The following SEPTIN5 variants were observed in gnomAD, a reference collection of about 807,000 sequenced individuals.
SEPTIN5 encodes septin 5.
Under a neutral mutation model 51.2 loss-of-function variants are expected in SEPTIN5, and 16 were observed. The ratio of observed to expected loss-of-function variants is 0.31; its 90% confidence interval spans 0.21 to 0.47. The LOEUF (loss-of-function observed/expected upper bound fraction) is 0.47, where lower values mean the gene tolerates loss of function less well. Ranked by LOEUF, SEPTIN5 falls within the 20% of genes least tolerant of loss-of-function variation. The pLI is 0.99. For synonymous variants in SEPTIN5, 208 were observed against 191.2 expected, an observed-to-expected ratio of 1.09 and a Z score of -0.72; for missense variants, 376 against 500.3, an observed-to-expected ratio of 0.75 and a Z score of 2.37.
intron 2 of SEPTIN5, chr22:19,718,716 C>CG: frequency 2.4e-6 from 3 of 1,253,016 alleles, no homozygotes; most frequent in Non-Finnish European, 3.0e-6. Context: ...AGCGTGCCCC[C>CG]GGGCCTGGGG....
rs898023703 is a variant in SEPTIN5 at position 19,719,524 on chromosome 22, A to G, written c.55-78A>G. On this transcript the variant is annotated intron_variant, in intron 2 of 11. Coordinates refer to ENST00000455784, the MANE Select transcript of SEPTIN5 (RefSeq NM_002688.6). ...ACCGTACCCTCTGCTGTCTCCTCAT[A>G]CCGCATTTGGTAAGAGACAGGGTAT... is the stretch of plus-strand genomic sequence containing the variant. 12 of 1,192,536 alleles carry G rather than the reference A, an allele frequency of 1.0e-5. No homozygotes were observed. In the African/African-American group the frequency reaches 1.2e-4, roughly 12 times the overall value. 73.9% of individuals were successfully genotyped at this position (1,192,536 alleles called of 1,614,324 possible).
chr22:19,720,827 G>C lies in SEPTIN5; in HGVS notation c.675G>C (p.Ser225=). 6.2e-7 allele frequency: 1 copy of C among 1,613,728 alleles called. No homozygotes were observed. Among genetic ancestry groups the C allele is most frequent in the South Asian group, 1.1e-5 (1 of 91,078 alleles). Residue 225 remains serine, a synonymous_variant, in exon 8 of 12, where the codon TCG becomes TCC. Transcript: ENST00000455784. ...TATACCAGTTCCCTGAGTGTGACTC[G>C]GACGAGGATGAGGACTTCAAGCAGC... is the stretch of plus-strand genomic sequence containing the variant. ...IHVYQFPECD[S]DEDEDFKQQD...
chr22:19,715,545 G>A (rs1935900883), intron 2 of SEPTIN5, among the ~76,000 whole-genome samples: 2 of 152,220 alleles, frequency 1.3e-5, no homozygotes, highest in African/African-American at 4.8e-5. Flanking sequence ...TGGGGGGGCT[G>A]GGGAAAGCCT....
Position 19,714,908 on chromosome 22 carries a change from G to A in SEPTIN5, c.54+117G>A. 1 of 1,313,944 alleles carries A rather than the reference G, an allele frequency of 7.6e-7. No individual in the cohort carries two copies. Among genetic ancestry groups the A allele is most frequent in the Non-Finnish European group, 1.0e-6 (1 of 976,024 alleles). The allele number at this position is 1,313,944 out of a possible 1,614,324, so 81.4% of individuals were successfully genotyped here. On this transcript the variant is annotated intron_variant, in intron 2 of 11. Coordinates refer to ENST00000455784, the MANE Select transcript of SEPTIN5 (RefSeq NM_002688.6). This position sits in a 1 kb window ranked among gnomAD's most constrained non-coding sequence, Gnocchi z 5.2. ...CCCCCGCCGGCCCTCACCCAGCCCT[G>A]TCGCGATCACCGATTGTCAGCCGGG...
Position 19,720,818 on chromosome 22 carries a change from G to T in SEPTIN5, c.666G>T (p.Glu222Asp). ...KFGIHVYQFP[E>D]CDSDEDEDFK... ...GGATCCATGTATACCAGTTCCCTGAGTGTGACTCGGACGAGGATGAGGACT... is the reference window on the plus strand; with the variant it reads ...GGATCCATGTATACCAGTTCCCTGATTGTGACTCGGACGAGGATGAGGACT... The change falls in exon 8 of 12, where the codon GAG (glutamate) becomes GAT (aspartate). Residue 222 changes from glutamate (E) to aspartate (D), a missense_variant. Around this residue, in one of 2 missense-constraint regions of SEPTIN5, gnomAD observed 287 missense variants for 417.1 expected, o/e 0.69. Coordinates refer to ENST00000455784, the MANE Select transcript of SEPTIN5 (RefSeq NM_002688.6). 1.2e-6 allele frequency: 2 copies of T among 1,613,828 alleles called. No individual in the cohort carries two copies. The highest frequency in any genetic ancestry group is 1.7e-4 in the Middle Eastern group (1 of 6,060).
rs931478657 is a variant in SEPTIN5, at chr22:19,722,765, G to A, written c.*281G>A. The A allele has an allele frequency of 3.3e-5, 18 of 542,004 alleles. No homozygotes were observed. Among genetic ancestry groups the A allele is most frequent in the Admixed American group, 6.4e-5 (2 of 31,156 alleles). 33.6% of individuals were successfully genotyped at this position (542,004 alleles called of 1,614,324 possible). A position where few individuals can be genotyped will look rare whatever the true frequency, so the allele number is the denominator to read the frequency against. The stretch of plus-strand genomic sequence containing the variant: ...CTTCCCCCGCCCCCGGACGGTCACA[G>A]CACCCAAACCGCAGGCCCTGCTCTG... On this transcript the variant is annotated 3_prime_UTR_variant, in exon 12 of 12. Transcript: ENST00000455784.
chr22:19,723,135 G>C lies in SEPTIN5; in HGVS notation c.*651G>C. ...GAGCCACCTCCTGGCAACTCTCGGT[G>C]CCGTCCCCTGCCCTCGCTCGAGGCC... On this transcript the variant is annotated 3_prime_UTR_variant, in exon 12 of 12. Coordinates refer to ENST00000455784, the MANE Select transcript of SEPTIN5 (RefSeq NM_002688.6). The C allele has an allele frequency of 1.8e-6, 1 of 553,724 alleles. No homozygotes were observed. The highest frequency in any genetic ancestry group is 3.4e-6 in the Non-Finnish European group (1 of 290,014). 34.3% of individuals were successfully genotyped at this position (553,724 alleles called of 1,614,324 possible).
Position 19,714,736 on chromosome 22 carries a change from C to T in SEPTIN5, c.44-45C>T, listed in dbSNP as rs1309722194. 4 of 1,579,038 alleles carry T rather than the reference C, an allele frequency of 2.5e-6. No homozygotes were observed. Among genetic ancestry groups the T allele is most frequent in the South Asian group, 1.1e-5 (1 of 88,172 alleles). ...TCTCCCCCGCCCGCCGGCCCGGACC[C>T]GCTCGGAACCGGACCCGGACTCGAC... is the stretch of plus-strand genomic sequence containing the variant. On this transcript the variant is annotated intron_variant, in intron 1 of 11. Coordinates refer to ENST00000455784, the MANE Select transcript of SEPTIN5 (RefSeq NM_002688.6). The surrounding 1 kb of genome is among the most constrained non-coding windows in gnomAD (Gnocchi z 5.2).
chr22:19,717,013 G>A (rs1935920292), intron 2 of SEPTIN5, among the ~76,000 whole-genome samples: 1 of 152,194 alleles, frequency 6.6e-6, no homozygotes, highest in Admixed American at 6.5e-5. Context: ...GAGCTGGGGG[G>A]CCTGGAGCTG....
chr22:19,722,071 G>GCC (rs34482134), intron 10 of SEPTIN5, 114 bp downstream of exon 10: 136 of 1,271,364 alleles, frequency 1.1e-4, no homozygotes, highest in African/African-American at 7.5e-4. Context: ...CATTCCCTAA[G>GCC]CCCCCCCCCT....
At position 19,719,622 on chromosome 22, in the gene SEPTIN5, G is replaced by A; in HGVS notation, c.75G>A (p.Val25=). 2 of 1,612,884 alleles carry A rather than the reference G, an allele frequency of 1.2e-6. No homozygotes were observed. Among genetic ancestry groups the A allele is most frequent in the Non-Finnish European group, 8.5e-7 (1 of 1,179,838 alleles). ...CCCAGGACATTGACAAGCAGTACGT[G>A]GGCTTCGCCACACTGCCCAACCAGG... The part of the protein sequence containing the change: ...EDKQDIDKQY[V]GFATLPNQVH... The change falls in exon 3 of 12, where the codon GTG becomes GTA. Residue 25 remains valine (V), a synonymous_variant. Coordinates refer to ENST00000455784, the MANE Select transcript of SEPTIN5 (RefSeq NM_002688.6).
At position 19,722,227 on chromosome 22, in the gene SEPTIN5, C is replaced by T. The variant is rs991969483; in HGVS notation, c.951-10C>T. ...GCCGCCCCGCCCATCCTCCCCCCCG[C>T]CCCGCGCAGCAAACTGACCCAGGAC... On this transcript the variant is annotated splice_polypyrimidine_tract_variant and intron_variant, in intron 10 of 11. Transcript: ENST00000455784. 8.2e-6 allele frequency: 13 copies of T among 1,579,252 alleles called. No homozygotes were observed. Among genetic ancestry groups the T allele is most frequent in the Admixed American group, 1.7e-5 (1 of 57,428 alleles).
rs1458517576 is a variant in SEPTIN5, at chr22:19,720,309, C to G, written c.363-11C>G. ...ACTCGAGGCCTGGCCTCACCTCCCT[C>G]CTGCCCACAGCTGGAAGCCCATCAC... On this transcript the variant is annotated splice_polypyrimidine_tract_variant and intron_variant, in intron 5 of 11. Transcript: ENST00000455784. The G allele has an allele frequency of 6.2e-7, 1 of 1,613,568 alleles. No individual in the cohort carries two copies. The highest frequency in any genetic ancestry group is 8.5e-7 in the Non-Finnish European group (1 of 1,179,860).
intron 2 of SEPTIN5, chr22:19,718,847 G>T: frequency 8.1e-7 from 1 of 1,234,364 alleles, no homozygotes; most frequent in Non-Finnish European, 1.0e-6. Context: ...CGGAACGTGG[G>T]TCTGTGACCC....
At chr22:19,716,079 A>C (rs1568994137) in intron 2 of SEPTIN5, among the ~76,000 whole-genome samples, 1 of 152,184 alleles carries the variant, frequency 6.6e-6, no homozygotes. Context: ...TCTCTTGCCC[A>C]TTACTGCAGG....
At chr22:19,722,216 C>G (rs773145378) in intron 10 of SEPTIN5, 21 bp from the exon 11 acceptor site, 1 of 1,251,384 alleles carries the variant, frequency 8.0e-7, no homozygotes, top group South Asian at 1.3e-5. Context: ...CCCCGCCCAT[C>G]CTCCCCCCCG....
At position 19,720,469 on chromosome 22, in the gene SEPTIN5, TG is replaced by T; in HGVS notation, c.497+19del. 1 of 1,613,264 alleles carries T rather than the reference TG, an allele frequency of 6.2e-7. No individual in the cohort carries two copies. Among genetic ancestry groups the T allele is most frequent in the East Asian group, 2.2e-5 (1 of 44,870 alleles). On this transcript the variant is annotated intron_variant, in intron 6 of 11. Coordinates refer to ENST00000455784, the MANE Select transcript of SEPTIN5 (RefSeq NM_002688.6). ...TTCGGGCATGGGTGTGTGGCTGTCC[TG>T]GGGCCAGGCTCGGGAGTGCAGCCCC...
Position 19,722,936 on chromosome 22 carries a change from G to A in SEPTIN5, c.*452G>A, listed in dbSNP as rs1936078923. Reference sequence around the variant, plus strand: ...TGCTGAGACCCCATTTTCTGTCGAGGCGGGCCGAGTCTTCCCTTATCCCCA... The same window carrying A: ...TGCTGAGACCCCATTTTCTGTCGAGACGGGCCGAGTCTTCCCTTATCCCCA... On this transcript the variant is annotated 3_prime_UTR_variant, in exon 12 of 12. Coordinates refer to ENST00000455784, the MANE Select transcript of SEPTIN5 (RefSeq NM_002688.6). 4.5e-6 allele frequency: 2 copies of A among 442,098 alleles called. No homozygotes were observed. Among genetic ancestry groups the A allele is most frequent in the Non-Finnish European group, 8.5e-6 (2 of 234,612 alleles). 27.4% of individuals were successfully genotyped at this position (442,098 alleles called of 1,614,324 possible). A position where few individuals can be genotyped will look rare whatever the true frequency, so the allele number is the denominator to read the frequency against.
In SEPTIN5 at chr22:19,720,107, C is replaced by T; in HGVS notation, c.239-8C>T. On this transcript the variant is annotated splice_region_variant and splice_polypyrimidine_tract_variant and intron_variant, in intron 4 of 11. Transcript: ENST00000455784. ...GGAGAGGCCCTTCCAGTGGCCCCTT[C>T]CCCGTAGAGCGCATCAGCCAGACGG... The T allele has an allele frequency of 6.2e-7, 1 of 1,612,974 alleles. No homozygotes were observed. The highest frequency in any genetic ancestry group is 1.3e-5 in the African/African-American group (1 of 75,058).
Sources: gnomAD v4.1 joint callset for allele counts (sites outside exome capture counted in the v4.1 genomes callset) on GRCh38, gnomAD v4.1.1 for gene constraint, gnomAD v4.1.1 regional missense constraint, Gnocchi (gnomAD v3.1) non-coding constraint, MANE v1.5 for transcripts, NCBI Gene and HGNC (gene_info 2026-07-23, HGNC 2026-07-21) for gene names.